Variants in CDCA7L observed in about 807,000 individuals in gnomAD.
The protein encoded by CDCA7L is cell division cycle-associated 7-like protein.
A neutral mutation model predicts 57.4 loss-of-function variants in CDCA7L; 44 were observed. That is an observed-to-expected ratio of 0.77 (90% CI 0.60 to 0.98). The LOEUF (loss-of-function observed/expected upper bound fraction) is 0.98. CDCA7L is among the 50% of genes least tolerant of loss of function. CDCA7L has a pLI of 0.00. For missense variants in CDCA7L, 644 were observed against 580.6 expected (o/e 1.11, Z -1.12); for synonymous variants, 236 against 202.8 (o/e 1.16, Z -1.39).
chr7:21,936,554 G>A (rs1786172169), intron 1 of CDCA7L, among the ~76,000 whole-genome samples: 1 of 150,860 alleles, frequency 6.6e-6, no homozygotes, highest in Non-Finnish European at 1.5e-5. Flanking sequence ...CCTATGAACA[G>A]AATAAAGGGG....
chr7:21,906,681 C>G, intron 4 of CDCA7L, 42 bp from the exon 5 acceptor site: 1 of 1,601,904 alleles, frequency 6.2e-7, no homozygotes, highest in South Asian at 1.1e-5. Context: ...AAAAATAGGG[C>G]TCCAGGTTTA....
chr7:21,918,299 T>C (rs1221816712), intron 1 of CDCA7L, among the ~76,000 whole-genome samples: 1 of 152,252 alleles, frequency 6.6e-6, no homozygotes, highest in Non-Finnish European at 1.5e-5. Context: ...CAAGGCTAAC[T>C]GTGCTTCCCC....
chr7:21,908,520 G>C lies in CDCA7L; in HGVS notation c.304-13C>G. ...CTGACTCCACGACCTAATAAAATAA[G>C]AGCAAGAAAAAGCACAAAGACACTG... On this transcript the variant is annotated splice_polypyrimidine_tract_variant and intron_variant, in intron 3 of 9. Transcript: ENST00000406877. The C allele has an allele frequency of 1.3e-6, 2 of 1,494,470 alleles. No individual in the cohort carries two copies. The highest frequency in any genetic ancestry group is 1.8e-6 in the Non-Finnish European group (2 of 1,126,364). The allele number at this position is 1,494,470 out of a possible 1,614,324, so 92.6% of individuals were successfully genotyped here.
chr7:21,939,807 G>A (rs752896291), intron 1 of CDCA7L, among the ~76,000 whole-genome samples: 61 of 151,896 alleles, frequency 4.0e-4, no homozygotes, highest in African/African-American at 1.5e-3. Context: ...ACCCACCCAC[G>A]TTTGTTACCA....
Position 21,901,390 on chromosome 7 carries a change from G to A in CDCA7L, c.*932C>T. The A allele has an allele frequency of 8.0e-7, 1 of 1,253,798 alleles. No homozygotes were observed. Among genetic ancestry groups the A allele is most frequent in the Non-Finnish European group, 1.0e-6 (1 of 970,158 alleles). 77.7% of individuals were successfully genotyped at this position (1,253,798 alleles called of 1,614,324 possible). A position where few individuals can be genotyped will look rare whatever the true frequency, so the allele number is the denominator to read the frequency against. On this transcript the variant is annotated 3_prime_UTR_variant, in exon 10 of 10. Coordinates refer to ENST00000406877, the MANE Select transcript of CDCA7L (RefSeq NM_018719.5). The stretch of plus-strand genomic sequence containing the variant: ...CATTCTTTTTTCAACGCTATCCTTA[G>A]AGTGAAAGTCAGAAAAAAATACTAG...
chr7:21,902,153 T>G lies in CDCA7L; in HGVS notation c.*169A>C, dbSNP rs1443521512. 4.4e-6 allele frequency: 3 copies of G among 680,170 alleles called. No homozygotes were observed. Among genetic ancestry groups the G allele is most frequent in the Non-Finnish European group, 7.8e-6 (3 of 385,364 alleles). The allele number at this position is 680,170 out of a possible 1,614,324, so 42.1% of individuals were successfully genotyped here. A position where few individuals can be genotyped will look rare whatever the true frequency, so the allele number is the denominator to read the frequency against. ...AGATTCCTCTGCTCTGCTGTCTTCC[T>G]GAGAAATCTTTGTAAGCATATAAAC... On this transcript the variant is annotated 3_prime_UTR_variant, in exon 10 of 10. Coordinates refer to ENST00000406877, the MANE Select transcript of CDCA7L (RefSeq NM_018719.5).
chr7:21,930,731 A>G (rs1328242667), intron 1 of CDCA7L, among the ~76,000 whole-genome samples: 12 of 150,096 alleles, frequency 8.0e-5, no homozygotes, highest in African/African-American at 2.9e-4. Flanking sequence ...AAAGAACTAG[A>G]GACGCAAGAG....
At chr7:21,909,871 TG>T (rs1455817074) in intron 3 of CDCA7L, among the ~76,000 whole-genome samples, 2 of 152,122 alleles carry the variant, frequency 1.3e-5, no homozygotes, top group African/African-American at 4.8e-5. Context: ...TACATGGATG[TG>T]GTTATTTCGC....
At chr7:21,907,141 T>TA (rs1284750586) in intron 4 of CDCA7L, among the ~76,000 whole-genome samples, 5 of 150,858 alleles carry the variant, frequency 3.3e-5, no homozygotes, top group African/African-American at 1.0e-4. Flanking sequence ...CGTGAACTAA[T>TA]AATACCAAAT....
rs1158885595 is a variant in CDCA7L, at chr7:21,945,846, C to T, written c.-42G>A. ...CCAGTCTCCTCCCAGCACGCGGCCACGGGAGCCCGGACTCACCACGGCCCG... is the reference window on the plus strand; with the variant it reads ...CCAGTCTCCTCCCAGCACGCGGCCATGGGAGCCCGGACTCACCACGGCCCG... On this transcript the variant is annotated 5_prime_UTR_variant, in exon 1 of 10. The change creates a new upstream start codon in the 5' untranslated region. Coordinates refer to ENST00000406877, the MANE Select transcript of CDCA7L (RefSeq NM_018719.5). 1 of 1,587,436 alleles carries T rather than the reference C, an allele frequency of 6.3e-7. No individual in the cohort carries two copies. The highest frequency in any genetic ancestry group is 8.6e-7 in the Non-Finnish European group (1 of 1,169,108).
chr7:21,915,410 G>A (rs1785447407), intron 2 of CDCA7L, among the ~76,000 whole-genome samples: 1 of 151,708 alleles, frequency 6.6e-6, no homozygotes, highest in South Asian at 2.1e-4. Flanking sequence ...CTCAAAGCAG[G>A]ACAACAGACA....
chr7:21,916,845 T>G lies in CDCA7L; in HGVS notation c.74A>C (p.Glu25Ala), dbSNP rs1192727640. Reference protein sequence around the residue: ...DIFNAPSDDEEFVGFRDDVPM... With the variant: ...DIFNAPSDDEAFVGFRDDVPM... ...AACATCATCTCGGAAGCCAACAAAC[T>G]CTTCATCATCACTGGGGGCGTTAAA... Residue 25 changes from glutamate (E) to alanine (A), a missense_variant, in exon 2 of 10, where the codon GAG becomes GCG. Physicochemically the swap from Glu to Ala is moderately radical, Grantham distance 107. Transcript: ENST00000406877. 1.2e-6 allele frequency: 2 copies of G among 1,614,030 alleles called. No individual in the cohort carries two copies. Among genetic ancestry groups the G allele is most frequent in the Non-Finnish European group, 1.7e-6 (2 of 1,179,960 alleles).
At chr7:21,944,890 A>G (rs1252443179) in intron 1 of CDCA7L, 1 of 151,928 alleles carries the variant, frequency 6.6e-6, no homozygotes, top group Non-Finnish European at 1.5e-5. Flanking sequence ...AAAAAAAAAA[A>G]CAATCCTCGC....
intron 2 of CDCA7L, among the ~76,000 whole-genome samples, chr7:21,913,603 T>TTG (rs1229798670): frequency 1.3e-5 from 2 of 152,194 alleles, no homozygotes; most frequent in African/African-American, 4.8e-5. Context: ...TCACAGAGCC[T>TTG]TGGGCCAGCC....
intron 1 of CDCA7L, among the ~76,000 whole-genome samples, chr7:21,940,618 G>C (rs1369425503): frequency 6.6e-6 from 1 of 152,192 alleles, no homozygotes; most frequent in Non-Finnish European, 1.5e-5. Flanking sequence ...CCAGCGGTGG[G>C]GGCAATGGAT....
At chr7:21,933,035 C>G (rs577739242) in intron 1 of CDCA7L, among the ~76,000 whole-genome samples, 1 of 151,298 alleles carries the variant, frequency 6.6e-6, no homozygotes, top group East Asian at 1.9e-4. Flanking sequence ...ATACTGCCAA[C>G]AAACATATGA....
Position 21,902,575 on chromosome 7 carries a change from T to TTTATTAATTACATAAA in CDCA7L, c.1335-239_1335-224dup, listed in dbSNP as rs1178853993. ...CGCATTCCAGAACCACGATTCAGAG[T>TTTATTAATTACATAAA]TTATTAATTACATAAATGAAACTTG... On this transcript the variant is annotated intron_variant, in intron 9 of 9. Transcript: ENST00000406877. The TTTATTAATTACATAAA allele has an allele frequency of 2.4e-4, 138 of 582,090 alleles. 1 individual carries two copies. The African/African-American group carries it at 2.4e-3, about 10-fold the overall frequency. The allele number at this position is 582,090 out of a possible 1,614,324, so 36.1% of individuals were successfully genotyped here. A position where few individuals can be genotyped will look rare whatever the true frequency, so the allele number is the denominator to read the frequency against.
intron 6 of CDCA7L, among the ~76,000 whole-genome samples, 159 bp downstream of exon 6, chr7:21,906,130 G>A (rs1785130084): frequency 6.6e-6 from 1 of 152,310 alleles, no homozygotes; most frequent in Non-Finnish European, 1.5e-5. Flanking sequence ...GTGATCTCAG[G>A]AGCAATGGCA....
At chr7:21,903,461 A>C (rs1785012960) in intron 8 of CDCA7L, among the ~76,000 whole-genome samples, 1 of 152,154 alleles carries the variant, frequency 6.6e-6, no homozygotes, top group Non-Finnish European at 1.5e-5. Flanking sequence ...CAAGGTATGA[A>C]TTTCAGCCCT....
Sources: allele counts gnomAD v4.1 joint callset (sites outside exome capture counted in the v4.1 genomes callset), GRCh38; gene constraint gnomAD v4.1.1; transcripts MANE v1.5; gene names NCBI Gene and HGNC (gene_info 2026-07-23, HGNC 2026-07-21).